FN1: variants seen among roughly 807,000 people sequenced by gnomAD.
FN1 encodes fibronectin 1.
Under a neutral mutation model 297.3 loss-of-function variants are expected in FN1, and 106 were observed. That is an observed-to-expected ratio of 0.36 (90% CI 0.30 to 0.42). FN1 has a LOEUF of 0.42. Among genes scored for constraint, FN1 ranks in the 10% least tolerant of loss-of-function variants. The pLI, the probability that FN1 is intolerant of heterozygous loss-of-function variation, is 1.00. For missense variants in FN1, 2,690 were observed against 3,124.9 expected (o/e 0.86, Z 3.32); for synonymous variants, 1,149 against 1,152.6 (o/e 1.00, Z 0.06).
At chr2:215,387,891 T>A (rs889224543) in intron 27 of FN1, among the ~76,000 whole-genome samples, 36 of 151,926 alleles carry the variant, frequency 2.4e-4, no homozygotes, top group Admixed American at 2.4e-3. Context: ...TGACAATGAG[T>A]GTTGGGTCAG....
chr2:215,365,526 C>CTT lies in FN1; in HGVS notation c.7121_7122dup (p.Gly2375LysfsTer22). On this transcript the variant is annotated frameshift_variant, in exon 43 of 46. Coordinates refer to ENST00000354785, the MANE Select transcript of FN1 (RefSeq NM_212482.4). LOFTEE classifies it high-confidence loss of function. The stretch of plus-strand genomic sequence containing the variant: ...ATACGAGGGTCACACTTGAATTCTC[C>CTT]TTTTCCGTTCCCAAGACATGTGCAG... 1 of 1,614,052 alleles carries CTT rather than the reference C, an allele frequency of 6.2e-7. No individual in the cohort carries two copies. The highest frequency in any genetic ancestry group is 8.5e-7 in the Non-Finnish European group (1 of 1,179,956).
intron 26 of FN1, among the ~76,000 whole-genome samples, chr2:215,389,092 A>AT (rs887494574): frequency 5.6e-4 from 84 of 151,082 alleles, no homozygotes; most frequent in African/African-American, 1.3e-3. Flanking sequence ...ATCTTGTTCC[A>AT]TTTTTTTTTA....
At chr2:215,418,528 A>C (rs1186768098) in intron 12 of FN1, among the ~76,000 whole-genome samples, 1 of 152,218 alleles carries the variant, frequency 6.6e-6, no homozygotes, top group Non-Finnish European at 1.5e-5. Context: ...CAGTTGCTCA[A>C]ATAACTGATG....
intron 12 of FN1, among the ~76,000 whole-genome samples, chr2:215,417,232 G>A (rs1196300421): frequency 3.9e-5 from 6 of 151,952 alleles, no homozygotes; most frequent in Non-Finnish European, 8.8e-5. Context: ...ACTAGCTATC[G>A]CCATTGTGAA....
At chr2:215,401,549 T>C (rs569138950) in intron 20 of FN1, among the ~76,000 whole-genome samples, 4 of 152,298 alleles carry the variant, frequency 2.6e-5, no homozygotes, top group Admixed American at 6.5e-5. Flanking sequence ...TTCCTCTCTT[T>C]ACATCTCAAT....
intron 25 of FN1, 137 bp downstream of exon 25, chr2:215,392,794 T>C: frequency 2.1e-6 from 2 of 935,432 alleles, no homozygotes; most frequent in Non-Finnish European, 1.7e-6. Flanking sequence ...TTTGATTCCT[T>C]ATCCCCCCAA....
At chr2:215,414,781 C>G in intron 13 of FN1, 56 bp downstream of exon 13, 1 of 1,608,408 alleles carries the variant, frequency 6.2e-7, no homozygotes, top group African/African-American at 1.3e-5. Flanking sequence ...AAGAAACCAT[C>G]AGAATTGATA....
At chr2:215,425,027 A>G (rs1254866299) in intron 7 of FN1, 67 bp downstream of exon 7, 1 of 1,378,498 alleles carries the variant, frequency 7.3e-7, no homozygotes, top group Admixed American at 1.7e-5. Context: ...CACATTGAAA[A>G]TGTATTGTCC....
At chr2:215,400,655 G>A (rs1288054324) in intron 20 of FN1, among the ~76,000 whole-genome samples, 1 of 147,082 alleles carries the variant, frequency 6.8e-6, no homozygotes, top group Non-Finnish European at 1.5e-5. Context: ...GGGAAGCTGA[G>A]GCAGGAGAAT....
intron 2 of FN1, among the ~76,000 whole-genome samples, chr2:215,433,906 AC>A (rs1332514219): frequency 1.3e-5 from 2 of 152,174 alleles, no homozygotes; most frequent in African/African-American, 4.8e-5. Context: ...ATTCGAGACC[AC>A]CCTGACCAAT....
intron 6 of FN1, among the ~76,000 whole-genome samples, chr2:215,426,500 C>T (rs114017588): frequency 0.025 from 3,729 of 152,184 alleles, 135 homozygotes; most frequent in African/African-American, 0.085. Flanking sequence ...CAGGGCCCAC[C>T]GCAGAACAGA....
intron 12 of FN1, among the ~76,000 whole-genome samples, chr2:215,418,127 G>A (rs1468641624): frequency 1.3e-5 from 2 of 152,130 alleles, no homozygotes; most frequent in East Asian, 3.9e-4. Flanking sequence ...ATACAATTTA[G>A]GAGGTTGGTC....
chr2:215,421,057 G>A (rs2064256635), intron 10 of FN1: 2 of 444,458 alleles, frequency 4.5e-6, no homozygotes, highest in Admixed American at 3.4e-5. Flanking sequence ...AAAGAATGTG[G>A]TAAAATACAC....
At chr2:215,364,648 C>T (rs187727220) in intron 44 of FN1, 1 of 586,952 alleles carries the variant, frequency 1.7e-6, no homozygotes, top group Non-Finnish European at 3.1e-6. Context: ...TGGTACTCTA[C>T]ATGCCATTCA....
chr2:215,402,872 GA>G (rs2061325110), intron 20 of FN1, among the ~76,000 whole-genome samples: 1 of 152,138 alleles, frequency 6.6e-6, no homozygotes, highest in African/African-American at 2.4e-5. Context: ...AGAAGTACTT[GA>G]AATATCTTGG....
rs200252728 is a variant in FN1 at position 215,384,089 on chromosome 2, C to T, written c.4825G>A (p.Val1609Met). Residue 1609 changes from valine to methionine, a missense_variant, in exon 30 of 46, where the codon GTG becomes ATG. Val to Met is a conservative substitution (Grantham distance 21). Transcript: ENST00000354785. ...LKPGVDYTIT[V>M]YAVTGRGDSP... The stretch of plus-strand genomic sequence containing the variant: ...TCTCCACGGCCAGTGACAGCATACA[C>T]AGTGATGGTATAATCAACTCCAGGT... The T allele has an allele frequency of 1.2e-6, 2 of 1,614,136 alleles. No individual in the cohort carries two copies. The highest frequency in any genetic ancestry group is 1.7e-6 in the Non-Finnish European group (2 of 1,180,022).
chr2:215,423,340 TTCATCTTACCAG>T lies in FN1; in HGVS notation c.1391_1393+9del. 1 of 1,613,658 alleles carries T rather than the reference TTCATCTTACCAG, an allele frequency of 6.2e-7. No homozygotes were observed. Among genetic ancestry groups the T allele is most frequent in the Non-Finnish European group, 8.5e-7 (1 of 1,179,906 alleles). On this transcript the variant is annotated splice_donor_variant and splice_donor_5th_base_variant and coding_sequence_variant and intron_variant, in exon 9 of 46. Transcript: ENST00000354785. LOFTEE classifies it high-confidence loss of function. The stretch of plus-strand genomic sequence containing the variant: ...GTCAAACAAGACAACCCACAAGGGC[TTCATCTTACCAG>T]CCATGGGGCAGAACCCAAACTTCTG...
chr2:215,397,981 G>T (rs2106154017), intron 21 of FN1, 133 bp from the exon 22 acceptor site: 4 of 810,982 alleles, frequency 4.9e-6, no homozygotes, highest in East Asian at 5.2e-5. Context: ...ATTGGGAAAT[G>T]ATTTGGGGAC....
At chr2:215,430,692 T>TA (rs1216222910) in intron 5 of FN1, 23 bp downstream of exon 5, 9 of 1,613,488 alleles carry the variant, frequency 5.6e-6, no homozygotes, top group Non-Finnish European at 7.6e-6. Context: ...GCTTAATCTT[T>TA]AACATAAAGA....
Sources: gnomAD v4.1 joint callset for allele counts (sites outside exome capture counted in the v4.1 genomes callset) on GRCh38, gnomAD v4.1.1 for gene constraint, MANE v1.5 for transcripts, NCBI Gene and HGNC (gene_info 2026-07-23, HGNC 2026-07-21) for gene names.